RCAN2: variants seen among roughly 807,000 people sequenced by gnomAD.
RCAN2 encodes calcipressin-2.
RCAN2 carries 9 observed loss-of-function variants against 23.6 expected under a neutral mutation model. That is an observed-to-expected ratio of 0.38 (90% CI 0.23 to 0.67). The LOEUF is 0.67. Among genes scored for constraint, RCAN2 ranks in the 30% least tolerant of loss-of-function variants. The probability of loss-of-function intolerance (pLI) is 0.51; values close to 1 mark genes in which losing one functional copy is unlikely to be tolerated. For missense variants in RCAN2, 273 were observed against 302.3 expected, an observed-to-expected ratio of 0.90 and a Z score of 0.72; for synonymous variants, 109 against 115.7, an observed-to-expected ratio of 0.94 and a Z score of 0.37.
chr6:46,310,019 A>T (rs1477953372), intron 2 of RCAN2, among the ~76,000 whole-genome samples: 2 of 152,096 alleles, frequency 1.3e-5, no homozygotes, highest in Admixed American at 6.6e-5. Flanking sequence ...CACCTTTGTC[A>T]TGGTGCTTAT....
chr6:46,284,706 C>A (rs763452228), intron 2 of RCAN2, among the ~76,000 whole-genome samples: 2 of 152,172 alleles, frequency 1.3e-5, no homozygotes, highest in Non-Finnish European at 2.9e-5. Flanking sequence ...GAGTGCTGGC[C>A]GCATGGCATC....
intron 2 of RCAN2, among the ~76,000 whole-genome samples, chr6:46,434,147 A>G (rs555529777): frequency 6.6e-6 from 1 of 152,338 alleles, no homozygotes; most frequent in South Asian, 2.1e-4. Flanking sequence ...TTCCATTCAC[A>G]CTATGTGCCT....
At chr6:46,278,386 C>A (rs1442108582) in intron 2 of RCAN2, among the ~76,000 whole-genome samples, 2 of 151,870 alleles carry the variant, frequency 1.3e-5, no homozygotes, top group Non-Finnish European at 2.9e-5. Context: ...TTTACACACA[C>A]ACACACATAC....
intron 2 of RCAN2, among the ~76,000 whole-genome samples, chr6:46,270,679 C>A (rs1445176033): frequency 6.6e-6 from 1 of 152,120 alleles, no homozygotes; most frequent in African/African-American, 2.4e-5. Flanking sequence ...GAGAGGAATG[C>A]ACACAAAAAA....
At chr6:46,483,274 G>A (rs767677570) in intron 1 of RCAN2, among the ~76,000 whole-genome samples, 1 of 152,178 alleles carries the variant, frequency 6.6e-6, no homozygotes, top group Non-Finnish European at 1.5e-5. Context: ...ATCCAGAGGA[G>A]CCACAGGAAG....
In RCAN2 at chr6:46,370,507, A is replaced by T. The variant is rs1038857800; in HGVS notation, c.225+86245T>A. Among the ~76,000 whole-genome samples the T allele has an allele frequency of 2.0e-5, 3 of 152,186 alleles. No homozygotes were observed. In the East Asian group the frequency reaches 5.8e-4, roughly 29 times the overall value. On this transcript the variant is annotated intron_variant, in intron 2 of 4. Coordinates refer to ENST00000371374, the MANE Select transcript of RCAN2 (RefSeq NM_001251974.2). ...TCACCAGCAGATCAGTAGACAGGGAAAGAAAGAGTTGGAGGTAGTTTTGCA... is the reference window on the plus strand; with the variant it reads ...TCACCAGCAGATCAGTAGACAGGGATAGAAAGAGTTGGAGGTAGTTTTGCA...
chr6:46,338,759 T>A (rs1277794732), intron 2 of RCAN2, among the ~76,000 whole-genome samples: 2 of 152,042 alleles, frequency 1.3e-5, no homozygotes, highest in Non-Finnish European at 2.9e-5. Context: ...ACGCTTATAA[T>A]CCCAGCACTT....
At chr6:46,421,172 T>A (rs1211736709) in intron 2 of RCAN2, among the ~76,000 whole-genome samples, 9 of 152,144 alleles carry the variant, frequency 5.9e-5, no homozygotes, top group Non-Finnish European at 1.5e-5. Flanking sequence ...AGTGACAGAA[T>A]CAAACTGATA....
intron 2 of RCAN2, among the ~76,000 whole-genome samples, chr6:46,286,462 A>T (rs1261280052): frequency 6.6e-6 from 1 of 152,196 alleles, no homozygotes; most frequent in South Asian, 2.1e-4. Context: ...ATTTCCCACA[A>T]ATGTACTATC....
chr6:46,426,839 G>T (rs1441439992), intron 2 of RCAN2, among the ~76,000 whole-genome samples: 1 of 152,180 alleles, frequency 6.6e-6, no homozygotes, highest in Non-Finnish European at 1.5e-5. Flanking sequence ...CTTGCTCAAG[G>T]TCACACAGCT....
intron 2 of RCAN2, among the ~76,000 whole-genome samples, chr6:46,404,582 A>G (rs555637215): frequency 6.4e-4 from 98 of 152,362 alleles, no homozygotes; most frequent in Non-Finnish European, 1.2e-3. Context: ...TAAAATATGT[A>G]TATCTTTAAT....
chr6:46,221,678 A>G lies in RCAN2; in HGVS notation c.*1463T>C. 5.5e-6 allele frequency: 2 copies of G among 365,998 alleles called. No homozygotes were observed. The highest frequency in any genetic ancestry group is 9.7e-6 in the Non-Finnish European group (2 of 205,466). 22.7% of individuals were successfully genotyped at this position (365,998 alleles called of 1,614,324 possible). A position where few individuals can be genotyped will look rare whatever the true frequency, so the allele number is the denominator to read the frequency against. On this transcript the variant is annotated 3_prime_UTR_variant, in exon 5 of 5. Transcript: ENST00000371374. ...CTAACATACACCTTAGTCAAAAACC[A>G]CAACAATCCCTCAATCTGTTTGCTG...
chr6:46,356,077 A>G (rs1764821299), intron 2 of RCAN2, among the ~76,000 whole-genome samples: 1 of 152,170 alleles, frequency 6.6e-6, no homozygotes, highest in African/African-American at 2.4e-5. Flanking sequence ...GAGCCCTCCT[A>G]AGGACAAGAA....
intron 1 of RCAN2, among the ~76,000 whole-genome samples, chr6:46,460,986 T>C (rs2150435346): frequency 6.6e-6 from 1 of 152,294 alleles, no homozygotes; most frequent in East Asian, 1.9e-4. Flanking sequence ...ACTCACAGGA[T>C]TCCTCTAGCT....
At chr6:46,314,390 A>G (rs1763362699) in intron 2 of RCAN2, among the ~76,000 whole-genome samples, 1 of 151,632 alleles carries the variant, frequency 6.6e-6, no homozygotes, top group South Asian at 2.1e-4. Context: ...GAAAAGAAAA[A>G]AAACCACAAA....
intron 2 of RCAN2, among the ~76,000 whole-genome samples, chr6:46,412,394 T>C (rs1766573346): frequency 6.6e-6 from 1 of 152,152 alleles, no homozygotes; most frequent in Admixed American, 6.6e-5. Context: ...TGGGGTATAG[T>C]TGAGACTAGA....
At chr6:46,378,164 CT>C (rs1765530249) in intron 2 of RCAN2, among the ~76,000 whole-genome samples, 1 of 152,150 alleles carries the variant, frequency 6.6e-6, no homozygotes. Context: ...TGAGACTTGC[CT>C]CACAGATGCC....
At chr6:46,469,882 G>A (rs1768509049) in intron 1 of RCAN2, among the ~76,000 whole-genome samples, 2 of 152,026 alleles carry the variant, frequency 1.3e-5, no homozygotes, top group Admixed American at 1.3e-4. Context: ...CTTGCCCTTT[G>A]GCCATGTGAG....
chr6:46,383,409 C>T (rs1468445252), intron 2 of RCAN2, among the ~76,000 whole-genome samples: 1 of 152,038 alleles, frequency 6.6e-6, no homozygotes, highest in East Asian at 1.9e-4. Flanking sequence ...GACTTTATAT[C>T]TGTGAAAACA....
Sources: allele counts gnomAD v4.1 joint callset (sites outside exome capture counted in the v4.1 genomes callset), GRCh38; gene constraint gnomAD v4.1.1; transcripts MANE v1.5; gene names NCBI Gene and HGNC (gene_info 2026-07-23, HGNC 2026-07-21).